Variants in NMNAT1 observed in about 807,000 individuals in gnomAD.
NMNAT1 encodes the protein nicotinamide nucleotide adenylyltransferase 1.
NMNAT1 carries 11 observed loss-of-function variants against 16.7 expected under a neutral mutation model. The observed-to-expected ratio is 0.66, with a 90% CI of 0.41 to 1.09. The LOEUF (loss-of-function observed/expected upper bound fraction) is 1.09. Among genes scored for constraint, NMNAT1 ranks in the 50% least tolerant of loss-of-function variants. The pLI, the probability that NMNAT1 is intolerant of heterozygous loss-of-function variation, is 0.00. For synonymous variants in NMNAT1, 110 were observed against 119.8 expected (o/e 0.92, Z 0.53); for missense variants, 280 against 332.3 (o/e 0.84, Z 1.22).
At chr1:9,957,477 G>A (rs999256992) in intron 1 of NMNAT1, among the ~76,000 whole-genome samples, 8 of 151,194 alleles carry the variant, frequency 5.3e-5, no homozygotes, top group Admixed American at 4.0e-4. Context: ...GCGCCACCAC[G>A]CGAGAGTGGG....
the NMNAT1 span, among the ~76,000 whole-genome samples, chr1:9,994,606 ATTTTTTGTAT>A: frequency 0.045 from 2,339 of 52,048 alleles, 51 homozygotes; most frequent in African/African-American, 0.13. Context: ...AATTTTTTGT[ATTTTTTGTAT>A]TTTTTTTTTT....
At chr1:9,986,897 G>T (rs1557478550), downstream of NMNAT1, among the ~76,000 whole-genome samples, 1 of 151,474 alleles carries the variant, frequency 6.6e-6, no homozygotes. Context: ...ACAAAACAGG[G>T]CTGGGCATGG....
chr1:9,968,277 T>G (rs1641604664), intron 1 of NMNAT1, among the ~76,000 whole-genome samples: 1 of 151,234 alleles, frequency 6.6e-6, no homozygotes, highest in Admixed American at 6.6e-5. Flanking sequence ...TTTCACCATG[T>G]TAGCCAGGGT....
At chr1:9,962,677 GTTT>G (rs34747915) in intron 1 of NMNAT1, among the ~76,000 whole-genome samples, 6 of 74,218 alleles carry the variant, frequency 8.1e-5, no homozygotes, top group Non-Finnish European at 1.1e-4. Flanking sequence ...CCAAATAAGG[GTTT>G]TTTTTTTTTT....
At chr1:9,950,525 C>G (rs961545419) in intron 1 of NMNAT1, 1 of 152,260 alleles carries the variant, frequency 6.6e-6, no homozygotes, top group Non-Finnish European at 1.5e-5. Flanking sequence ...CAGGCCCAGC[C>G]TGGTAGAGAC....
the NMNAT1 span, among the ~76,000 whole-genome samples, chr1:9,991,505 C>T: frequency 6.6e-6 from 1 of 152,126 alleles, no homozygotes; most frequent in Non-Finnish European, 1.5e-5. Context: ...GAATCAACAG[C>T]TAGCTCATTA....
At chr1:9,973,048 A>T (rs1317953021) in intron 2 of NMNAT1, among the ~76,000 whole-genome samples, 1 of 152,248 alleles carries the variant, frequency 6.6e-6, no homozygotes, top group African/African-American at 2.4e-5. Context: ...AAAAAGCGAA[A>T]GCTTGTACTT....
intron 4 of NMNAT1, 67 bp downstream of exon 4, chr1:9,981,237 T>G: frequency 1.3e-6 from 2 of 1,558,944 alleles, no homozygotes; most frequent in Non-Finnish European, 8.6e-7. Context: ...CAAACCCCTG[T>G]GTATTTTTTT....
chr1:9,964,803 G>T (rs1451147701), intron 1 of NMNAT1, among the ~76,000 whole-genome samples: 1 of 150,180 alleles, frequency 6.7e-6, no homozygotes, highest in Non-Finnish European at 1.5e-5. Flanking sequence ...CAAAAAATTG[G>T]CCAGCATGGT....
intron 2 of NMNAT1, among the ~76,000 whole-genome samples, chr1:9,973,894 G>A (rs922563158): frequency 2.0e-5 from 3 of 151,588 alleles, no homozygotes; most frequent in Admixed American, 1.3e-4. Context: ...CTGGAGTGCA[G>A]TGGCACAGTC....
intron 1 of NMNAT1, among the ~76,000 whole-genome samples, chr1:9,956,913 G>T (rs1472512931): frequency 6.6e-6 from 1 of 151,278 alleles, no homozygotes; most frequent in Non-Finnish European, 1.5e-5. Context: ...TGTATTTTTA[G>T]TTGAGATGGG....
chr1:9,967,804 AC>A (rs1641585050), intron 1 of NMNAT1, among the ~76,000 whole-genome samples: 1 of 151,918 alleles, frequency 6.6e-6, no homozygotes. Context: ...ATATGGCAAA[AC>A]CCCATCTCTA....
rs370953539 is a variant in NMNAT1, at chr1:9,981,155, G to C, written c.424G>C (p.Glu142Gln). Residue 142 changes from glutamate to glutamine, a missense_variant, in exon 4 of 5, where the codon GAG becomes CAG. Coordinates refer to ENST00000377205, the MANE Select transcript of NMNAT1 (RefSeq NM_022787.4). Reference sequence around the variant, plus strand: ...AGATTCTAGTCAAAAGAAATCCCTAGAGCCAAAAACAAAAGGTTTGTATGT... The same window carrying C: ...AGATTCTAGTCAAAAGAAATCCCTACAGCCAAAAACAAAAGGTTTGTATGT... ...TQDSSQKKSL[E>Q]PKTKAVPKVK... The C allele has an allele frequency of 6.2e-6, 10 of 1,611,318 alleles. No individual in the cohort carries two copies. The highest frequency in any genetic ancestry group is 7.6e-6 in the Non-Finnish European group (9 of 1,179,238).
chr1:9,950,413 A>G (rs1331792209), intron 1 of NMNAT1, among the ~76,000 whole-genome samples: 1 of 152,152 alleles, frequency 6.6e-6, no homozygotes, highest in Non-Finnish European at 1.5e-5. Flanking sequence ...CTACTAAATG[A>G]CTGATTTTGA....
At chr1:9,954,177 C>G (rs994215990) in intron 1 of NMNAT1, among the ~76,000 whole-genome samples, 1 of 152,072 alleles carries the variant, frequency 6.6e-6, no homozygotes, top group African/African-American at 2.4e-5. Context: ...ATTTCTTAAA[C>G]TTCTCCACAT....
downstream of NMNAT1, among the ~76,000 whole-genome samples, chr1:9,985,670 T>C (rs772202731): frequency 5.9e-5 from 9 of 152,120 alleles, no homozygotes; most frequent in African/African-American, 9.7e-5. Flanking sequence ...TATGTGTGTG[T>C]GTGTTTGCTT....
In NMNAT1 at chr1:9,982,572, C is replaced by A; in HGVS notation, c.711C>A (p.Arg237=). 1 of 1,614,188 alleles carries A rather than the reference C, an allele frequency of 6.2e-7. No individual in the cohort carries two copies. Among genetic ancestry groups the A allele is most frequent in the South Asian group, 1.1e-5 (1 of 91,088 alleles). The part of the protein sequence containing the change: ...RRALRRGQSI[R]YLVPDLVQEY... ...CCCTCAGAAGGGGCCAGAGCATTCG[C>A]TACTTGGTACCAGATCTTGTCCAAG... The change falls in exon 5 of 5, where the codon CGC becomes CGA. Residue 237 remains arginine, a synonymous_variant. Coordinates refer to ENST00000377205, the MANE Select transcript of NMNAT1 (RefSeq NM_022787.4).
At position 9,982,522 on chromosome 1, in the gene NMNAT1, A is replaced by G; in HGVS notation, c.661A>G (p.Ile221Val). 1 of 1,614,126 alleles carries G rather than the reference A, an allele frequency of 6.2e-7. No homozygotes were observed. The highest frequency in any genetic ancestry group is 8.5e-7 in the Non-Finnish European group (1 of 1,180,036). Residue 221 changes from isoleucine to valine, a missense_variant, in exon 5 of 5, where the codon ATC (isoleucine) becomes GTC (valine). By Grantham distance (29) the Ile-to-Val change is conservative. Coordinates refer to ENST00000377205, the MANE Select transcript of NMNAT1 (RefSeq NM_022787.4). ...GGTGAATGAATGGATCGCTAATGACATCTCATCCACAAAAATCCGGAGAGC... is the reference window on the plus strand; with the variant it reads ...GGTGAATGAATGGATCGCTAATGACGTCTCATCCACAAAAATCCGGAGAGC... ...HVVNEWIAND[I>V]SSTKIRRALR...
chr1:9,959,639 C>T (rs145049690), intron 1 of NMNAT1, among the ~76,000 whole-genome samples: 1,752 of 152,116 alleles, frequency 0.012, 25 homozygotes, highest in African/African-American at 0.039. Context: ...CAAGATTGCA[C>T]GCCACTGCAC....
Sources: allele counts gnomAD v4.1 joint callset (sites outside exome capture counted in the v4.1 genomes callset), GRCh38; gene constraint gnomAD v4.1.1; transcripts MANE v1.5; gene names NCBI Gene and HGNC (gene_info 2026-07-23, HGNC 2026-07-21).